Variants in ESYT2 observed in about 807,000 individuals in gnomAD.
ESYT2 encodes extended synaptotagmin 2.
A neutral mutation model predicts 107.2 loss-of-function variants in ESYT2; 54 were observed. The ratio of observed to expected loss-of-function variants is 0.50; its 90% CI spans 0.40 to 0.63. ESYT2 has a LOEUF of 0.63. ESYT2 is among the 30% of genes least tolerant of loss of function. The pLI is 0.00. For missense variants in ESYT2, 1,020 were observed against 1,094.5 expected (o/e 0.93, Z 0.96); for synonymous variants, 491 against 434.1 (o/e 1.13, Z -1.63).
intron 18 of ESYT2, among the ~76,000 whole-genome samples, chr7:158,741,187 G>A (rs1053952693): frequency 2.6e-5 from 4 of 152,138 alleles, no homozygotes; most frequent in African/African-American, 4.8e-5. Context: ...CGAGGCCCGC[G>A]GGCCAGCTCT....
chr7:158,773,472 T>C, intron 6 of ESYT2, 76 bp from the exon 7 acceptor site: 1 of 1,460,930 alleles, frequency 6.8e-7, no homozygotes, highest in Non-Finnish European at 9.5e-7. Flanking sequence ...CAGGCTTGTT[T>C]CTTTGTAGAC....
intron 1 of ESYT2, among the ~76,000 whole-genome samples, chr7:158,819,829 C>G (rs1212863649): frequency 6.6e-6 from 1 of 152,104 alleles, no homozygotes; most frequent in African/African-American, 2.4e-5. Flanking sequence ...CACCGTGTAA[C>G]TGAACAAATT....
At chr7:158,788,227 C>T in intron 5 of ESYT2, 118 bp downstream of exon 5, 2 of 1,186,084 alleles carry the variant, frequency 1.7e-6, no homozygotes, top group Non-Finnish European at 2.4e-6. Flanking sequence ...TGACCTACAG[C>T]TAAAAACTGA....
intron 6 of ESYT2, among the ~76,000 whole-genome samples, chr7:158,784,648 T>C (rs892114434): frequency 6.6e-6 from 1 of 152,252 alleles, no homozygotes; most frequent in African/African-American, 2.4e-5. Flanking sequence ...TGCAGTCCCC[T>C]GTACACGTCA....
chr7:158,787,395 T>C (rs998734080), intron 6 of ESYT2, among the ~76,000 whole-genome samples: 12 of 152,172 alleles, frequency 7.9e-5, no homozygotes, highest in Admixed American at 7.2e-4. Flanking sequence ...GCATCTCCGA[T>C]AACATTCAAC....
At chr7:158,738,684 C>T (rs1374305013) in intron 19 of ESYT2, among the ~76,000 whole-genome samples, 1 of 152,106 alleles carries the variant, frequency 6.6e-6, no homozygotes, top group Admixed American at 6.6e-5. Flanking sequence ...AACTCCAGAC[C>T]TCAGGTGATC....
At chr7:158,747,216 C>T (rs1171826820) in intron 16 of ESYT2, among the ~76,000 whole-genome samples, 5 of 148,762 alleles carry the variant, frequency 3.4e-5, no homozygotes, top group African/African-American at 5.0e-5. Context: ...GGTGTGGTGG[C>T]GCGCACCTGT....
At chr7:158,788,208 T>C in intron 5 of ESYT2, 115 bp from the exon 6 acceptor site, 2 of 1,166,920 alleles carry the variant, frequency 1.7e-6, no homozygotes, top group Non-Finnish European at 2.5e-6. Context: ...TTCTTATTTA[T>C]CTCAACTATG....
In ESYT2 at chr7:158,735,506, G is replaced by A. The variant is rs1159321989; in HGVS notation, c.2502C>T (p.Gly834=). ...GFLSKDKGLL[G]KVLVALASEE... ...TGAGGATTCGTTTGGCACTTACTTTGCCAAGGAGCCCTTTGTCTTTGGACA... is the reference window on the plus strand; with the variant it reads ...TGAGGATTCGTTTGGCACTTACTTTACCAAGGAGCCCTTTGTCTTTGGACA... Residue 834 remains glycine, a synonymous_variant, in exon 21 of 23, where the codon GGC becomes GGT. Coordinates refer to ENST00000275418, the MANE Select transcript of ESYT2 (RefSeq NM_001367773.1). 1 of 1,613,474 alleles carries A rather than the reference G, an allele frequency of 6.2e-7. No individual in the cohort carries two copies. The highest frequency in any genetic ancestry group is 1.7e-5 in the Admixed American group (1 of 59,996).
intron 11 of ESYT2, among the ~76,000 whole-genome samples, chr7:158,760,495 C>T (rs1172550799): frequency 6.6e-6 from 1 of 152,150 alleles, no homozygotes; most frequent in Non-Finnish European, 1.5e-5. Flanking sequence ...GTAAAGTCTT[C>T]TATGAATAGA....
chr7:158,735,666 C>T (rs35865957), intron 20 of ESYT2, 58 bp from the exon 21 acceptor site: 116,807 of 1,413,746 alleles, frequency 0.083, 4,939 homozygotes, highest in African/African-American at 0.1. Context: ...TTTCTTATAA[C>T]TAAAAATGGC....
chr7:158,747,002 T>G (rs1371644238), intron 16 of ESYT2, among the ~76,000 whole-genome samples: 39 of 149,430 alleles, frequency 2.6e-4, no homozygotes. Flanking sequence ...CAGTGATCTG[T>G]GATTACACCA....
At chr7:158,762,067 T>A (rs1415939736) in intron 10 of ESYT2, among the ~76,000 whole-genome samples, 1 of 152,096 alleles carries the variant, frequency 6.6e-6, no homozygotes, top group Non-Finnish European at 1.5e-5. Flanking sequence ...TTGAGCCCGA[T>A]GGACGCCCTC....
At chr7:158,771,764 C>T (rs1838381014) in intron 7 of ESYT2, among the ~76,000 whole-genome samples, 1 of 152,200 alleles carries the variant, frequency 6.6e-6, no homozygotes, top group Non-Finnish European at 1.5e-5. Context: ...GCGGCTGCAG[C>T]TAGCTCAGAG....
chr7:158,767,848 C>T, intron 7 of ESYT2, 74 bp from the exon 8 acceptor site: 1 of 1,521,886 alleles, frequency 6.6e-7, no homozygotes, highest in Non-Finnish European at 8.9e-7. Context: ...TGACAACAGA[C>T]TTACCACGAA....
At position 158,734,407 on chromosome 7, in the gene ESYT2, A is replaced by G; in HGVS notation, c.2555+15T>C. On this transcript the variant is annotated intron_variant, in intron 22 of 22. Transcript: ENST00000275418. The stretch of plus-strand genomic sequence containing the variant: ...CTACACACTGGGGTTCTCTGTCTGC[A>G]GCAGGGACACTCACCACTGGGTCCA... 6.2e-7 allele frequency: 1 copy of G among 1,613,788 alleles called. No homozygotes were observed. The highest frequency in any genetic ancestry group is 8.5e-7 in the Non-Finnish European group (1 of 1,179,788).
At chr7:158,828,354 C>A (rs558188211) in intron 1 of ESYT2, among the ~76,000 whole-genome samples, 3 of 152,234 alleles carry the variant, frequency 2.0e-5, no homozygotes, top group African/African-American at 7.2e-5. Context: ...GGAATGCGCA[C>A]GAGAATCGCG....
At chr7:158,760,866 A>G (rs1259692054) in intron 11 of ESYT2, among the ~76,000 whole-genome samples, 1 of 152,218 alleles carries the variant, frequency 6.6e-6, no homozygotes, top group Non-Finnish European at 1.5e-5. Flanking sequence ...GGAAAACGAG[A>G]TGTCACAGCC....
chr7:158,826,377 T>G (rs1028330166), intron 1 of ESYT2, among the ~76,000 whole-genome samples: 1 of 152,166 alleles, frequency 6.6e-6, no homozygotes, highest in Non-Finnish European at 1.5e-5. Flanking sequence ...GATTATGAGC[T>G]CAAGTACAAA....
Sources: allele counts gnomAD v4.1 joint callset (sites outside exome capture counted in the v4.1 genomes callset), GRCh38; gene constraint gnomAD v4.1.1; transcripts MANE v1.5; gene names NCBI Gene and HGNC (gene_info 2026-07-23, HGNC 2026-07-21).